The following CWF19L2 variants were observed in gnomAD, a reference collection of about 807,000 sequenced individuals.
CWF19L2 encodes CWF19-like protein 2.
A neutral mutation model predicts 111.7 loss-of-function variants in CWF19L2; 98 were observed. The observed-to-expected ratio is 0.88, with a 90% CI of 0.75 to 1.04. The LOEUF (loss-of-function observed/expected upper bound fraction) is 1.04, where lower values mean the gene tolerates loss of function less well. Ranked by LOEUF, CWF19L2 falls within the 50% of genes least tolerant of loss-of-function variation. CWF19L2 has a pLI of 0.00. For missense variants in CWF19L2, 1,101 were observed against 1,051.4 expected, an observed-to-expected ratio of 1.05 and a Z score of -0.65; for synonymous variants, 351 against 342.9, an observed-to-expected ratio of 1.02 and a Z score of -0.26.
intron 12 of CWF19L2, among the ~76,000 whole-genome samples, chr11:107,383,990 T>C (rs1311415239): frequency 6.6e-6 from 1 of 152,232 alleles, no homozygotes; most frequent in African/African-American, 2.4e-5. Context: ...TATTTAGTGC[T>C]TCCTTTTCCC....
intron 12 of CWF19L2, among the ~76,000 whole-genome samples, chr11:107,357,860 G>T (rs999998690): frequency 2.0e-5 from 3 of 152,212 alleles, no homozygotes; most frequent in Non-Finnish European, 2.9e-5. Flanking sequence ...GTAAAAGATA[G>T]TGGAGAATGT....
At chr11:107,340,279 A>C (rs1245599644) in intron 14 of CWF19L2, among the ~76,000 whole-genome samples, 2 of 152,250 alleles carry the variant, frequency 1.3e-5, no homozygotes, top group East Asian at 3.9e-4. Flanking sequence ...TGTACCTTAC[A>C]TTGGAGTGCT....
At position 107,344,092 on chromosome 11, in the gene CWF19L2, A is replaced by G. The variant is rs145697105; in HGVS notation, c.2202+4845T>C. Among the ~76,000 whole-genome samples, 248 of 152,294 alleles carry G rather than the reference A, an allele frequency of 1.6e-3. 3 individuals are homozygous for G. In the East Asian group the frequency reaches 0.045, roughly 28 times the overall value. Reference sequence around the variant, plus strand: ...GCTGGGTGTGGTGGTGCATGCCTGTAGTGCCAGCTACTCAGGAAGCTGAGG... The same window carrying G: ...GCTGGGTGTGGTGGTGCATGCCTGTGGTGCCAGCTACTCAGGAAGCTGAGG... On this transcript the variant is annotated intron_variant, in intron 14 of 17. Transcript: ENST00000282251.
intron 1 of CWF19L2, among the ~76,000 whole-genome samples, 151 bp from the exon 2 acceptor site, chr11:107,455,927 T>TA (rs1480443703): frequency 1.3e-5 from 2 of 151,952 alleles, no homozygotes; most frequent in Admixed American, 6.5e-5. Flanking sequence ...TTCTCCAGTG[T>TA]AAAAAAATAA....
intron 10 of CWF19L2, among the ~76,000 whole-genome samples, chr11:107,410,809 A>G (rs200167697): frequency 6.6e-6 from 1 of 152,188 alleles, no homozygotes; most frequent in Non-Finnish European, 1.5e-5. Flanking sequence ...TAACATTTCA[A>G]GCAAGGTTTC....
intron 3 of CWF19L2, among the ~76,000 whole-genome samples, chr11:107,444,586 G>A (rs534270730): frequency 3.3e-5 from 5 of 152,136 alleles, no homozygotes; most frequent in Admixed American, 6.5e-5. Context: ...CATTCTGATC[G>A]CCTGAACTAC....
At chr11:107,450,309 A>G (rs1255213221) in intron 3 of CWF19L2, among the ~76,000 whole-genome samples, 1 of 152,202 alleles carries the variant, frequency 6.6e-6, no homozygotes. Flanking sequence ...GAAATTATAC[A>G]GAGTACAATA....
At chr11:107,381,068 A>G (rs1310476075) in intron 12 of CWF19L2, among the ~76,000 whole-genome samples, 1 of 152,182 alleles carries the variant, frequency 6.6e-6, no homozygotes, top group East Asian at 1.9e-4. Flanking sequence ...AATGGAAGTG[A>G]GCAGGACAGT....
chr11:107,430,585 T>C (rs1233031146), intron 7 of CWF19L2, among the ~76,000 whole-genome samples: 1 of 152,030 alleles, frequency 6.6e-6, no homozygotes, highest in Non-Finnish European at 1.5e-5. Flanking sequence ...AAAGAACAGA[T>C]GCTAAAAACC....
chr11:107,329,924 A>G lies in CWF19L2; in HGVS notation c.2535T>C (p.Phe845=). The change falls in exon 17 of 18, where the codon TTT becomes TTC. Residue 845 remains phenylalanine, a synonymous_variant. Coordinates refer to ENST00000282251, the MANE Select transcript of CWF19L2 (RefSeq NM_152434.3). ...IEDQHKFPHY[F]GKEIIGGMLD... ...ATCAAATTTGTAAGCCTACCTTTCC[A>G]AAGTAATGAGGGAATTTGTGCTGAT... 4 of 1,566,618 alleles carry G rather than the reference A, an allele frequency of 2.6e-6. No homozygotes were observed. The highest frequency in any genetic ancestry group is 3.4e-6 in the Non-Finnish European group (4 of 1,159,726).
chr11:107,450,815 G>A (rs921997969), intron 3 of CWF19L2, among the ~76,000 whole-genome samples: 7 of 152,222 alleles, frequency 4.6e-5, no homozygotes, highest in Admixed American at 4.6e-4. Context: ...GTTCATCAAG[G>A]AGCTGTCTAT....
chr11:107,441,922 T>G (rs1409268763), intron 4 of CWF19L2, among the ~76,000 whole-genome samples: 2 of 152,220 alleles, frequency 1.3e-5, no homozygotes, highest in Admixed American at 1.3e-4. Context: ...TCAAACTTAG[T>G]TCCTGTTCAC....
At chr11:107,380,448 T>C (rs935996370) in intron 12 of CWF19L2, among the ~76,000 whole-genome samples, 1 of 152,176 alleles carries the variant, frequency 6.6e-6, no homozygotes. Flanking sequence ...GATTAAAATC[T>C]GAGAGAACTG....
chr11:107,451,144 A>G (rs1861772754), intron 3 of CWF19L2, among the ~76,000 whole-genome samples: 1 of 152,148 alleles, frequency 6.6e-6, no homozygotes, highest in Non-Finnish European at 1.5e-5. Flanking sequence ...TATACAGAGT[A>G]TAACATAATA....
chr11:107,378,410 A>C (rs892163574), intron 12 of CWF19L2, among the ~76,000 whole-genome samples: 1 of 151,826 alleles, frequency 6.6e-6, no homozygotes, highest in Non-Finnish European at 1.5e-5. Context: ...AATGTGGCAC[A>C]TATACACCAT....
Position 107,428,900 on chromosome 11 carries a change from T to C in CWF19L2, c.1332A>G (p.Gln444=), listed in dbSNP as rs541935304. The C allele has an allele frequency of 1.7e-5, 27 of 1,613,708 alleles. No individual in the cohort carries two copies. In the East Asian group the frequency reaches 3.6e-4, roughly 21 times the overall value. Residue 444 remains glutamine, a synonymous_variant, in exon 8 of 18, where the codon CAA becomes CAG. Coordinates refer to ENST00000282251, the MANE Select transcript of CWF19L2 (RefSeq NM_152434.3). ...KPSETSTDEH[Q]HVPEDPREKS... ...TTTCTCTTGGGTCTTCTGGAACATG[T>C]TGGTGTTCATCAGTACTGGTTTCCG... is the stretch of plus-strand genomic sequence containing the variant.
At chr11:107,371,430 A>G (rs1860508908) in intron 12 of CWF19L2, among the ~76,000 whole-genome samples, 1 of 137,714 alleles carries the variant, frequency 7.3e-6, no homozygotes. Context: ...ACTCAAGACT[A>G]TTCTCCCATA....
At chr11:107,356,961 C>T (rs1860245982) in intron 12 of CWF19L2, among the ~76,000 whole-genome samples, 2 of 152,102 alleles carry the variant, frequency 1.3e-5, no homozygotes, top group Admixed American at 1.3e-4. Context: ...TTGCTTGAAC[C>T]CAGGAGGCGG....
At position 107,433,824 on chromosome 11, in the gene CWF19L2, C is replaced by T. The variant is rs1008482455; in HGVS notation, c.665-75G>A. 4 of 395,408 alleles carry T rather than the reference C, an allele frequency of 1.0e-5. No homozygotes were observed. In the East Asian group the frequency reaches 1.7e-4, roughly 17 times the overall value. 24.5% of individuals were successfully genotyped at this position (395,408 alleles called of 1,614,324 possible). ...CAATTAATATGTATTGCTTCTATGA[C>T]TTCTAAAATATAAAAATAAATATTT... On this transcript the variant is annotated intron_variant, in intron 6 of 17. Coordinates refer to ENST00000282251, the MANE Select transcript of CWF19L2 (RefSeq NM_152434.3).
Sources: gnomAD v4.1 joint callset for allele counts (sites outside exome capture counted in the v4.1 genomes callset) on GRCh38, gnomAD v4.1.1 for gene constraint, MANE v1.5 for transcripts, NCBI Gene and HGNC (gene_info 2026-07-23, HGNC 2026-07-21) for gene names.